SMIM31: variants seen among roughly 807,000 people sequenced by gnomAD.
SMIM31 encodes the protein small integral membrane protein 31, also known as human epithelial cell program regulator.
chr4:164,782,372 C>CTTTTTTTTTTTTTTT (rs1359094792), intron 2 of SMIM31, among the ~76,000 whole-genome samples: 1 of 135,876 alleles, frequency 7.4e-6, no homozygotes, highest in South Asian at 2.1e-4. Flanking sequence ...TTATCTCTTT[C>CTTTTTTTTTTTTTTT]TTTTATTTTT....
rs1733309233 is a variant in SMIM31, at chr4:164,803,180, A to G, written c.*1986A>G. 1 of 152,180 alleles carries G rather than the reference A, an allele frequency of 6.6e-6. No homozygotes were observed. Among genetic ancestry groups the G allele is most frequent in the African/African-American group, 2.4e-5 (1 of 41,432 alleles). 9.4% of individuals were successfully genotyped at this position (152,180 alleles called of 1,614,324 possible). On this transcript the variant is annotated 3_prime_UTR_variant, in exon 3 of 3. Coordinates refer to ENST00000507311, the MANE Select transcript of SMIM31 (RefSeq NM_001352885.1). ...TCAGAAAAGCAGAAAAATCAACAAC[A>G]TGGTTTCAAATACTTGGATGAGGCT...
At chr4:164,762,662 C>CAA (rs1162067333) in intron 1 of SMIM31, among the ~76,000 whole-genome samples, 1,423 of 99,986 alleles carry the variant, frequency 0.014, 26 homozygotes, top group African/African-American at 0.045. Flanking sequence ...GACTCTGTCT[C>CAA]AAAAAAAAAA....
chr4:164,758,830 T>C (rs1285531296), intron 1 of SMIM31, among the ~76,000 whole-genome samples: 9 of 106,042 alleles, frequency 8.5e-5, no homozygotes, highest in Non-Finnish European at 1.7e-4. Flanking sequence ...TTTTTTTTTT[T>C]TTTTTTTTTT....
chr4:164,780,556 A>C (rs1159659207), intron 2 of SMIM31, among the ~76,000 whole-genome samples: 1 of 152,268 alleles, frequency 6.6e-6, no homozygotes, highest in East Asian at 1.9e-4. Context: ...AAACTGGATT[A>C]TTTTAAAATA....
intron 2 of SMIM31, among the ~76,000 whole-genome samples, chr4:164,798,546 T>C (rs541185804): frequency 7.2e-5 from 11 of 152,170 alleles, no homozygotes; most frequent in African/African-American, 2.6e-4. Context: ...TGGCCTGATA[T>C]AATGATTTTT....
intron 1 of SMIM31, among the ~76,000 whole-genome samples, chr4:164,761,479 C>A (rs1732648360): frequency 6.6e-6 from 1 of 152,138 alleles, no homozygotes; most frequent in Admixed American, 6.5e-5. Flanking sequence ...ATAAAAGAAG[C>A]CATAGTCAAT....
chr4:164,783,217 CAA>C (rs753365487), intron 2 of SMIM31, among the ~76,000 whole-genome samples: 69 of 32,834 alleles, frequency 2.1e-3, no homozygotes, highest in African/African-American at 6.0e-3. Context: ...GACTCTGTCT[CAA>C]AAAAAAAAAA....
intron 2 of SMIM31, among the ~76,000 whole-genome samples, chr4:164,788,553 A>C (rs563835759): frequency 2.1e-4 from 26 of 124,548 alleles, no homozygotes; most frequent in Admixed American, 8.4e-4. Context: ...GCAATGGCGC[A>C]ATCTCGGCTC....
chr4:164,785,650 G>GTA lies in SMIM31; in HGVS notation c.112+15111_112+15112dup, dbSNP rs978731858. 5.2e-3 allele frequency among the ~76,000 whole-genome samples: 503 copies of GTA among 97,514 alleles called. 2 individuals carry two copies. The highest frequency in any genetic ancestry group is 0.023 in the Middle Eastern group (4 of 174). 64.0% of individuals were successfully genotyped at this position (97,514 alleles called of 152,430 possible). On this transcript the variant is annotated intron_variant, in intron 2 of 2. Transcript: ENST00000507311. ...CTTTAAACTTATTGTGTGTGTGTGT[G>GTA]TATATATATATATATATCTTTAACC...
At chr4:164,784,678 G>A (rs1733003300) in intron 2 of SMIM31, among the ~76,000 whole-genome samples, 1 of 152,112 alleles carries the variant, frequency 6.6e-6, no homozygotes, top group African/African-American at 2.4e-5. Flanking sequence ...GCCTAGGTTT[G>A]GGAATCCTGG....
At chr4:164,772,634 A>T (rs373916216) in intron 2 of SMIM31, among the ~76,000 whole-genome samples, 13 of 146,194 alleles carry the variant, frequency 8.9e-5, no homozygotes, top group Non-Finnish European at 1.6e-4. Flanking sequence ...GCTGGAGTGC[A>T]GTGGCGCGAT....
chr4:164,760,871 T>C (rs1387754630), intron 1 of SMIM31, among the ~76,000 whole-genome samples: 1 of 151,864 alleles, frequency 6.6e-6, no homozygotes, highest in Non-Finnish European at 1.5e-5. Flanking sequence ...AACATGGAGC[T>C]ACTGTCAATG....
chr4:164,786,463 T>C (rs973849083), intron 2 of SMIM31, among the ~76,000 whole-genome samples: 3 of 150,388 alleles, frequency 2.0e-5, no homozygotes, highest in African/African-American at 7.4e-5. Flanking sequence ...ATCTGAATTA[T>C]TGCCAGAAAC....
intron 2 of SMIM31, among the ~76,000 whole-genome samples, chr4:164,791,824 G>T (rs1042726098): frequency 6.6e-6 from 1 of 152,024 alleles, no homozygotes; most frequent in African/African-American, 2.4e-5. Context: ...TACCCAACAG[G>T]TAATTTTTCA....
Position 164,758,682 on chromosome 4 carries a change from A to G in SMIM31, c.-26+4271A>G, listed in dbSNP as rs369905398. Reference sequence around the variant, plus strand: ...GGAGTCTCGCTCTGTCCCCCAGGCTAGACTGCAGTGACGTGATCTCGGCTG... The same window carrying G: ...GGAGTCTCGCTCTGTCCCCCAGGCTGGACTGCAGTGACGTGATCTCGGCTG... On this transcript the variant is annotated intron_variant, in intron 1 of 2. Transcript: ENST00000507311. Among the ~76,000 whole-genome samples the G allele has an allele frequency of 4.8e-3, 582 of 120,738 alleles. 1 individual carries two copies. The highest frequency in any genetic ancestry group is 0.017 in the African/African-American group (549 of 31,414). The allele number at this position is 120,738 out of a possible 152,430, so 79.2% of individuals were successfully genotyped here. A position where few individuals can be genotyped will look rare whatever the true frequency, so the allele number is the denominator to read the frequency against.
intron 2 of SMIM31, among the ~76,000 whole-genome samples, chr4:164,771,390 T>G (rs1314935892): frequency 2.0e-5 from 3 of 152,194 alleles, no homozygotes; most frequent in African/African-American, 7.2e-5. Flanking sequence ...ATAATGTATT[T>G]CCCTCACCAG....
At chr4:164,758,797 C>A (rs1732604186) in intron 1 of SMIM31, among the ~76,000 whole-genome samples, 2 of 98,766 alleles carry the variant, frequency 2.0e-5, no homozygotes, top group Admixed American at 1.0e-4. Context: ...CCACGCCCGG[C>A]CAAATTTTTT....
At chr4:164,769,156 T>C (rs1364852023) in intron 1 of SMIM31, among the ~76,000 whole-genome samples, 1 of 152,148 alleles carries the variant, frequency 6.6e-6, no homozygotes, top group African/African-American at 2.4e-5. Flanking sequence ...CCTGCTAAAA[T>C]CCTGACACAG....
At chr4:164,781,129 T>TACACACACACACACACACACACAC in intron 2 of SMIM31, among the ~76,000 whole-genome samples, 1 of 144,544 alleles carries the variant, frequency 6.9e-6, no homozygotes, top group African/African-American at 2.5e-5. Context: ...TACATTTACA[T>TACACACACACACACACACACACAC]ACACACACAC....
Sources: allele counts gnomAD v4.1 joint callset (sites outside exome capture counted in the v4.1 genomes callset), GRCh38; gene constraint gnomAD v4.1.1; transcripts MANE v1.5; gene names NCBI Gene and HGNC (gene_info 2026-07-23, HGNC 2026-07-21).